The following SLC44A1 variants were observed in gnomAD, a reference collection of about 807,000 sequenced individuals.
SLC44A1 encodes solute carrier family 44 member 1.
SLC44A1 carries 26 observed loss-of-function variants against 79.3 expected under a neutral mutation model. The observed-to-expected ratio is 0.33, with a 90% CI of 0.24 to 0.46. The LOEUF is 0.46. Among genes scored for constraint, SLC44A1 ranks in the 20% least tolerant of loss-of-function variants. The probability of loss-of-function intolerance (pLI) is 1.00; values close to 1 mark genes in which losing one functional copy is unlikely to be tolerated. For synonymous variants in SLC44A1, 263 were observed against 286.2 expected (o/e 0.92, Z 0.82); for missense variants, 688 against 798.1 (o/e 0.86, Z 1.66).
At chr9:105,361,502 A>G (rs1329150931) in intron 8 of SLC44A1, among the ~76,000 whole-genome samples, 172 bp downstream of exon 8, 1 of 152,196 alleles carries the variant, frequency 6.6e-6, no homozygotes, top group Non-Finnish European at 1.5e-5. Context: ...GGCTTCCCTC[A>G]TGGATGAGTG....
rs762190477 is a variant in SLC44A1, at chr9:105,358,305, T to C, written c.671-39T>C. 6.0e-6 allele frequency: 7 copies of C among 1,175,390 alleles called. No individual in the cohort carries two copies. In the East Asian group the frequency reaches 1.6e-4, roughly 28 times the overall value. The allele number at this position is 1,175,390 out of a possible 1,614,324, so 72.8% of individuals were successfully genotyped here. A position where few individuals can be genotyped will look rare whatever the true frequency, so the allele number is the denominator to read the frequency against. On this transcript the variant is annotated intron_variant, in intron 6 of 15. Transcript: ENST00000374720. ...GTTTTTATTTGTATTTACCTGCATT[T>C]TCAAATAATATTCTATATGTTCTCT...
chr9:105,313,199 G>T (rs1348194128), intron 3 of SLC44A1, among the ~76,000 whole-genome samples: 1 of 152,136 alleles, frequency 6.6e-6, no homozygotes, highest in Admixed American at 6.5e-5. Context: ...CTTATCCATA[G>T]TGAGCTTTCC....
Position 105,244,685 on chromosome 9 carries a change from G to T in SLC44A1, c.-184G>T. On this transcript the variant is annotated 5_prime_UTR_variant, in exon 1 of 16. It removes an upstream start codon present in the reference 5' UTR. Transcript: ENST00000374720. ...GCCGCCGTCGCCGCCGCCGGGGGAT[G>T]TGGCCGGCGCCTGCCTCTAGCCGCG... 1 of 292,496 alleles carries T rather than the reference G, an allele frequency of 3.4e-6. No individual in the cohort carries two copies. Among genetic ancestry groups the T allele is most frequent in the East Asian group, 5.6e-5 (1 of 17,756 alleles). The allele number at this position is 292,496 out of a possible 1,614,324, so 18.1% of individuals were successfully genotyped here. A position where few individuals can be genotyped will look rare whatever the true frequency, so the allele number is the denominator to read the frequency against.
downstream of SLC44A1, among the ~76,000 whole-genome samples, chr9:105,400,025 G>A (rs1359618185): frequency 6.6e-6 from 1 of 151,994 alleles, no homozygotes; most frequent in African/African-American, 2.4e-5. Flanking sequence ...GAGAAACCCC[G>A]TCTCTACCAA....
In SLC44A1 at chr9:105,395,661, A is replaced by G; in HGVS notation, c.*6605A>G. The G allele has an allele frequency of 1.0e-6, 1 of 985,446 alleles. No individual in the cohort carries two copies. The highest frequency in any genetic ancestry group is 1.7e-5 in the African/African-American group (1 of 57,378). 61.0% of individuals were successfully genotyped at this position (985,446 alleles called of 1,614,324 possible). ...TTTGTCACAGAAGTGTAAGACTTAAAGGGAATATTCTGACCTTCGTGTATG... is the reference window on the plus strand; with the variant it reads ...TTTGTCACAGAAGTGTAAGACTTAAGGGGAATATTCTGACCTTCGTGTATG... On this transcript the variant is annotated 3_prime_UTR_variant, in exon 16 of 16. Coordinates refer to ENST00000374720, the MANE Select transcript of SLC44A1 (RefSeq NM_080546.5).
intron 15 of SLC44A1, among the ~76,000 whole-genome samples, chr9:105,404,454 A>G (rs1829002822): frequency 6.6e-6 from 1 of 152,196 alleles, no homozygotes; most frequent in Non-Finnish European, 1.5e-5. Context: ...ATGAAGCCGT[A>G]TTTACTTTCA....
At chr9:105,249,779 C>T (rs1001119706) in intron 1 of SLC44A1, among the ~76,000 whole-genome samples, 1 of 151,734 alleles carries the variant, frequency 6.6e-6, no homozygotes, top group Non-Finnish European at 1.5e-5. Context: ...AGATGATCCA[C>T]CCGCCTCAGC....
intron 1 of SLC44A1, among the ~76,000 whole-genome samples, chr9:105,245,297 G>A (rs567266024): frequency 6.6e-6 from 1 of 152,068 alleles, no homozygotes; most frequent in East Asian, 2.0e-4. Flanking sequence ...TTCCACCTCC[G>A]TGGAGTCTCC....
chr9:105,374,754 T>C lies in SLC44A1; in HGVS notation c.1632+19T>C, dbSNP rs956709107. 2.5e-6 allele frequency: 4 copies of C among 1,586,398 alleles called. No individual in the cohort carries two copies. The East Asian group carries it at 8.9e-5, about 35-fold the overall frequency. On this transcript the variant is annotated intron_variant, in intron 13 of 15. Transcript: ENST00000374720. Reference sequence around the variant, plus strand: ...TGGCAAGGTAAAACCAAGTATTTTTTCTGCAACATACAGTAAAATTTTGCA... The same window carrying C: ...TGGCAAGGTAAAACCAAGTATTTTTCCTGCAACATACAGTAAAATTTTGCA...
At chr9:105,362,757 CTA>C in intron 8 of SLC44A1, 62 bp from the exon 9 acceptor site, 1 of 1,289,444 alleles carries the variant, frequency 7.8e-7, no homozygotes, top group Non-Finnish European at 1.0e-6. Context: ...TTAAAAATTT[CTA>C]CTATTTTCGG....
intron 12 of SLC44A1, among the ~76,000 whole-genome samples, chr9:105,370,864 G>A (rs1223513426): frequency 1.3e-5 from 2 of 152,084 alleles, no homozygotes. Flanking sequence ...GATTTAAATG[G>A]GTTGTCCAAT....
At chr9:105,340,798 C>T (rs1827064104) in intron 4 of SLC44A1, among the ~76,000 whole-genome samples, 1 of 152,164 alleles carries the variant, frequency 6.6e-6, no homozygotes, top group Admixed American at 6.5e-5. Context: ...GGAAGAAGCT[C>T]TCAGTTCCTA....
intron 15 of SLC44A1, among the ~76,000 whole-genome samples, chr9:105,402,980 T>C (rs1828977623): frequency 7.0e-6 from 1 of 142,914 alleles, no homozygotes; most frequent in Non-Finnish European, 1.5e-5. Context: ...CCCAGCTTTT[T>C]TTTTTTTTTT....
chr9:105,367,183 G>C (rs555893189), intron 12 of SLC44A1, among the ~76,000 whole-genome samples: 1 of 152,048 alleles, frequency 6.6e-6, no homozygotes, highest in South Asian at 2.1e-4. Flanking sequence ...CAATTCTAAT[G>C]TATTAATGCC....
intron 13 of SLC44A1, among the ~76,000 whole-genome samples, chr9:105,375,284 A>G (rs1427542529): frequency 1.3e-5 from 2 of 151,992 alleles, no homozygotes; most frequent in South Asian, 4.1e-4. Flanking sequence ...AGGTGATCCA[A>G]CCGCCTTCGC....
At position 105,312,268 on chromosome 9, in the gene SLC44A1, C is replaced by G. The variant is rs182575152; in HGVS notation, c.269+2402C>G. 2.4e-3 allele frequency among the ~76,000 whole-genome samples: 364 copies of G among 152,288 alleles called. 3 individuals are homozygous for G. The highest frequency in any genetic ancestry group is 8.1e-3 in the African/African-American group (338 of 41,566). ...GCTAAACTCTACTCATCCTTCGGCT[C>G]TCAGCATAAATGTCACTTCCCAGAG... On this transcript the variant is annotated intron_variant, in intron 3 of 15. Coordinates refer to ENST00000374720, the MANE Select transcript of SLC44A1 (RefSeq NM_080546.5).
chr9:105,351,170 G>T (rs572112280), intron 5 of SLC44A1, among the ~76,000 whole-genome samples: 67 of 152,292 alleles, frequency 4.4e-4, no homozygotes, highest in South Asian at 2.1e-3. Context: ...ATGTATTTGG[G>T]CACCTCTGGA....
rs1828739168 is a variant in SLC44A1, at chr9:105,390,484, A to C, written c.*1428A>C. On this transcript the variant is annotated 3_prime_UTR_variant, in exon 16 of 16. Coordinates refer to ENST00000374720, the MANE Select transcript of SLC44A1 (RefSeq NM_080546.5). Reference sequence around the variant, plus strand: ...CATTTTATCATTCCATGGAAGGAGAATCTTTTGAAAGAAAGCATTGCCTCC... The same window carrying C: ...CATTTTATCATTCCATGGAAGGAGACTCTTTTGAAAGAAAGCATTGCCTCC... 1.0e-6 allele frequency: 1 copy of C among 984,854 alleles called. No homozygotes were observed. Among genetic ancestry groups the C allele is most frequent in the Admixed American group, 6.2e-5 (1 of 16,144 alleles). The allele number at this position is 984,854 out of a possible 1,614,324, so 61.0% of individuals were successfully genotyped here. A position where few individuals can be genotyped will look rare whatever the true frequency, so the allele number is the denominator to read the frequency against.
chr9:105,357,139 C>A (rs1434128200), intron 6 of SLC44A1: 2 of 152,094 alleles, frequency 1.3e-5, no homozygotes, highest in African/African-American at 4.8e-5. Flanking sequence ...AGAGTATTTT[C>A]TTTTTGCTTA....
Sources: allele counts gnomAD v4.1 joint callset (sites outside exome capture counted in the v4.1 genomes callset), GRCh38; gene constraint gnomAD v4.1.1; transcripts MANE v1.5; gene names NCBI Gene and HGNC (gene_info 2026-07-23, HGNC 2026-07-21).